Variants in ABCA5 observed in about 807,000 individuals in gnomAD.
ABCA5 encodes the protein ATP binding cassette subfamily A member 5, also known as cholesterol transporter ABCA5.
A neutral mutation model predicts 206.0 loss-of-function variants in ABCA5; 163 were observed. That is an observed-to-expected ratio of 0.79 (90% confidence interval 0.70 to 0.90). ABCA5 has a LOEUF of 0.90. Among genes scored for constraint, ABCA5 ranks in the 40% least tolerant of loss-of-function variants. The pLI is 0.00. For synonymous variants in ABCA5, 609 were observed against 613.8 expected, an observed-to-expected ratio of 0.99 and a Z score of 0.11; for missense variants, 1,859 against 1,912.9, an observed-to-expected ratio of 0.97 and a Z score of 0.53.
chr17:69,289,042 T>C (rs1026814626), intron 14 of ABCA5, 135 bp downstream of exon 14: 2 of 848,010 alleles, frequency 2.4e-6, no homozygotes, highest in Admixed American at 4.0e-5. Flanking sequence ...CTCATTACTA[T>C]GATTATATCC....
chr17:69,297,963 T>G (rs1477581142), intron 9 of ABCA5, among the ~76,000 whole-genome samples: 1 of 152,196 alleles, frequency 6.6e-6, no homozygotes, highest in Admixed American at 6.5e-5. Flanking sequence ...GGCTGGCATA[T>G]TGCTTGAGCC....
chr17:69,287,625 C>A lies in ABCA5; in HGVS notation c.2029G>T (p.Asp677Tyr). The change falls in exon 15 of 39, where the codon GAC becomes TAC. Residue 677 changes from aspartate (D) to tyrosine (Y), a missense_variant. Transcript: ENST00000392676. ...VFSTHFMDEA[D>Y]ILADRKAVIS... ...ACAAAAATCTCACCTGCAAGAATGT[C>A]AGCTTCATCCATGAAATGAGTACTG... 10 of 1,609,854 alleles carry A rather than the reference C, an allele frequency of 6.2e-6. No individual in the cohort carries two copies. The highest frequency in any genetic ancestry group is 8.5e-6 in the Non-Finnish European group (10 of 1,178,548).
At chr17:69,281,099 T>C (rs2075387903) in intron 18 of ABCA5, among the ~76,000 whole-genome samples, 1 of 151,578 alleles carries the variant, frequency 6.6e-6, no homozygotes, top group African/African-American at 2.4e-5. Flanking sequence ...TAAACATATA[T>C]TTATTTAATG....
intron 19 of ABCA5, among the ~76,000 whole-genome samples, chr17:69,275,803 T>C (rs574470878): frequency 1.2e-3 from 190 of 152,328 alleles, no homozygotes; most frequent in African/African-American, 4.4e-3. Context: ...AAAGGTAATC[T>C]GCATCAGATG....
intron 1 of ABCA5, among the ~76,000 whole-genome samples, chr17:69,323,789 T>G (rs1462510031): frequency 6.6e-6 from 1 of 152,202 alleles, no homozygotes; most frequent in African/African-American, 2.4e-5. Flanking sequence ...ATCAAGGATG[T>G]GCAAACTATG....
At chr17:69,260,763 T>C (rs2075137765) in intron 26 of ABCA5, among the ~76,000 whole-genome samples, 1 of 151,936 alleles carries the variant, frequency 6.6e-6, no homozygotes, top group South Asian at 2.1e-4. Flanking sequence ...GGTTTTTGTC[T>C]CTATTTTTTC....
intron 23 of ABCA5, among the ~76,000 whole-genome samples, chr17:69,267,683 T>C (rs1449091431): frequency 6.6e-6 from 1 of 152,182 alleles, no homozygotes; most frequent in Non-Finnish European, 1.5e-5. Flanking sequence ...GATTTCCTGA[T>C]CTATAAGAAA....
At chr17:69,279,589 A>G in intron 18 of ABCA5, among the ~76,000 whole-genome samples, 1 of 152,048 alleles carries the variant, frequency 6.6e-6, no homozygotes, top group East Asian at 1.9e-4. Context: ...ATCCTAAGCC[A>G]AAAGAACAAA....
chr17:69,257,678 C>T (rs1433629145), intron 28 of ABCA5, among the ~76,000 whole-genome samples: 1 of 149,816 alleles, frequency 6.7e-6, no homozygotes, highest in Non-Finnish European at 1.5e-5. Context: ...CCCTCCCCAA[C>T]CCCAAAAATA....
At chr17:69,264,111 T>C (rs2075181580) in intron 24 of ABCA5, among the ~76,000 whole-genome samples, 7 of 152,198 alleles carry the variant, frequency 4.6e-5, no homozygotes, top group Admixed American at 4.6e-4. Flanking sequence ...TAGTGTTGAA[T>C]CTGTAGATTG....
At chr17:69,285,787 C>CT (rs1962038530) in intron 17 of ABCA5, 111 bp downstream of exon 17, 1 of 1,138,394 alleles carries the variant, frequency 8.8e-7, no homozygotes, top group Non-Finnish European at 1.2e-6. Flanking sequence ...CTCTGGCCAC[C>CT]TGGGAGCATG....
At chr17:69,264,028 T>C (rs1482343102) in intron 24 of ABCA5, among the ~76,000 whole-genome samples, 1 of 152,160 alleles carries the variant, frequency 6.6e-6, no homozygotes, top group Non-Finnish European at 1.5e-5. Context: ...CTGGGTACTT[T>C]TGGGGTTCCA....
At chr17:69,316,840 T>A (rs1472210136) in intron 1 of ABCA5, 1 of 152,168 alleles carries the variant, frequency 6.6e-6, no homozygotes. Context: ...CATAAGAAAC[T>A]GCGGAGAAAG....
intron 6 of ABCA5, among the ~76,000 whole-genome samples, chr17:69,306,278 A>G (rs2075715603): frequency 6.6e-6 from 1 of 152,128 alleles, no homozygotes; most frequent in Admixed American, 6.6e-5. Flanking sequence ...TCCATATACC[A>G]CATATACAGA....
At chr17:69,293,978 A>G (rs959176904) in intron 11 of ABCA5, among the ~76,000 whole-genome samples, 1 of 152,122 alleles carries the variant, frequency 6.6e-6, no homozygotes, top group East Asian at 1.9e-4. Context: ...TCTTCACAAC[A>G]AAGAATTATC....
chr17:69,259,522 A>G (rs2075121879), intron 28 of ABCA5, among the ~76,000 whole-genome samples, 184 bp downstream of exon 28: 1 of 151,982 alleles, frequency 6.6e-6, no homozygotes, highest in African/African-American at 2.4e-5. Flanking sequence ...TGACAGAAAC[A>G]GAAAGTAGAT....
At chr17:69,289,756 C>T (rs1411624593) in intron 13 of ABCA5, 106 bp downstream of exon 13, 1 of 863,566 alleles carries the variant, frequency 1.2e-6, no homozygotes, top group Non-Finnish European at 1.7e-6. Context: ...TGGCTCAGAA[C>T]AAGTGTTATA....
At chr17:69,285,010 T>C (rs1253593997) in intron 17 of ABCA5, among the ~76,000 whole-genome samples, 1 of 152,156 alleles carries the variant, frequency 6.6e-6, no homozygotes, top group Non-Finnish European at 1.5e-5. Flanking sequence ...TTTGCCTGGG[T>C]TCAAAACTCA....
At chr17:69,268,982 T>G (rs1372074333) in intron 22 of ABCA5, 4 of 152,174 alleles carry the variant, frequency 2.6e-5, no homozygotes, top group Non-Finnish European at 5.9e-5. Flanking sequence ...AGACTAGTAG[T>G]GCAAGAAGTG....
Sources: gnomAD v4.1 joint callset for allele counts (sites outside exome capture counted in the v4.1 genomes callset) on GRCh38, gnomAD v4.1.1 for gene constraint, MANE v1.5 for transcripts, NCBI Gene and HGNC (gene_info 2026-07-23, HGNC 2026-07-21) for gene names.